The following SUMF1 variants were observed in gnomAD, a reference collection of about 807,000 sequenced individuals.
SUMF1 encodes formylglycine-generating enzyme.
A neutral mutation model predicts 47.6 loss-of-function variants in SUMF1; 48 were observed. The ratio of observed to expected loss-of-function variants is 1.01; its 90% confidence interval spans 0.80 to 1.28. The LOEUF (loss-of-function observed/expected upper bound fraction) is 1.28, where lower values mean the gene tolerates loss of function less well. Ranked by LOEUF, SUMF1 falls within the 50% of genes most tolerant of loss-of-function variation. The probability of loss-of-function intolerance (pLI) is 0.00; values close to 1 mark genes in which losing one functional copy is unlikely to be tolerated. For synonymous variants in SUMF1, 230 were observed against 192.1 expected (o/e 1.20, Z -1.63); for missense variants, 571 against 485.4 (o/e 1.18, Z -1.66).
intron 7 of SUMF1, among the ~76,000 whole-genome samples, chr3:4,405,911 T>G (rs1240950698): frequency 5.3e-5 from 8 of 152,174 alleles, no homozygotes; most frequent in Admixed American, 5.2e-4. Flanking sequence ...CCAGGAAGCA[T>G]AAGCAAAGTT....
intron 8 of SUMF1, among the ~76,000 whole-genome samples, chr3:4,277,736 T>C (rs1427609684): frequency 6.6e-6 from 1 of 152,160 alleles, no homozygotes; most frequent in African/African-American, 2.4e-5. Flanking sequence ...GATGGACAGA[T>C]TGCAACAGAC....
intron 8 of SUMF1, among the ~76,000 whole-genome samples, chr3:4,129,138 T>C (rs937136665): frequency 2.6e-5 from 4 of 152,170 alleles, no homozygotes; most frequent in East Asian, 1.9e-4. Context: ...ACTTGCATCT[T>C]TGAAGAGCCC....
intron 8 of SUMF1, among the ~76,000 whole-genome samples, chr3:4,331,957 T>G (rs894970676): frequency 4.6e-5 from 7 of 152,226 alleles, no homozygotes; most frequent in African/African-American, 1.7e-4. Context: ...ATCAATAGAC[T>G]CAGACAAAAT....
At chr3:4,326,850 T>C (rs1698956549) in intron 8 of SUMF1, among the ~76,000 whole-genome samples, 1 of 152,110 alleles carries the variant, frequency 6.6e-6, no homozygotes, top group Non-Finnish European at 1.5e-5. Context: ...CTCTCTAACA[T>C]CATCTCAATT....
intron 7 of SUMF1, among the ~76,000 whole-genome samples, chr3:4,395,289 T>C (rs1260877050): frequency 6.6e-6 from 1 of 152,178 alleles, no homozygotes; most frequent in Admixed American, 6.5e-5. Flanking sequence ...CCAAAGTACA[T>C]ATTTGTGAAA....
intron 8 of SUMF1, among the ~76,000 whole-genome samples, chr3:4,246,945 C>T (rs567433714): frequency 6.6e-6 from 1 of 152,214 alleles, no homozygotes; most frequent in African/African-American, 2.4e-5. Context: ...TATGTTTAGC[C>T]AGTTTTTTTC....
At chr3:4,064,374 G>A (rs1034793212) in intron 9 of SUMF1, among the ~76,000 whole-genome samples, 16 of 151,998 alleles carry the variant, frequency 1.1e-4, no homozygotes, top group South Asian at 2.1e-4. Context: ...GGAAACATCC[G>A]GAAGTTACCA....
At chr3:4,092,093 G>A (rs1692801599) in intron 8 of SUMF1, among the ~76,000 whole-genome samples, 1 of 151,978 alleles carries the variant, frequency 6.6e-6, no homozygotes, top group Non-Finnish European at 1.5e-5. Context: ...ATGTATTATT[G>A]TATAGGCCAA....
chr3:4,254,874 G>A (rs1353441690), intron 8 of SUMF1, among the ~76,000 whole-genome samples: 1 of 152,044 alleles, frequency 6.6e-6, no homozygotes, highest in African/African-American at 2.4e-5. Context: ...GAAAGGTCGG[G>A]TTACCCTCAA....
At chr3:4,148,598 G>A (rs370009466) in intron 8 of SUMF1, among the ~76,000 whole-genome samples, 1 of 152,272 alleles carries the variant, frequency 6.6e-6, no homozygotes, top group East Asian at 1.9e-4. Context: ...TTTAGCCTTT[G>A]CAAGCCATGC....
At chr3:4,181,192 G>A (rs1454958581) in intron 8 of SUMF1, among the ~76,000 whole-genome samples, 1 of 152,116 alleles carries the variant, frequency 6.6e-6, no homozygotes, top group South Asian at 2.1e-4. Context: ...TTGGTAAAGG[G>A]AACATTTTTT....
chr3:4,449,139 A>G (rs1362614107), intron 3 of SUMF1, 127 bp downstream of exon 3: 5 of 1,051,188 alleles, frequency 4.8e-6, no homozygotes, highest in African/African-American at 1.6e-5. Context: ...TTTGGGGTCA[A>G]TCCTCAGCAG....
At position 4,287,024 on chromosome 3, in the gene SUMF1, G is replaced by C. The variant is rs116653225; in HGVS notation, c.1014+89306C>G. Among the ~76,000 whole-genome samples, 422 of 152,238 alleles carry C rather than the reference G, an allele frequency of 2.8e-3. 4 individuals are homozygous for C. Among genetic ancestry groups the C allele is most frequent in the African/African-American group, 8.8e-3 (367 of 41,554 alleles). On this transcript the variant is annotated intron_variant and NMD_transcript_variant, in intron 8 of 12. Transcript: ENST00000448413. The stretch of plus-strand genomic sequence containing the variant: ...AAATTATTTTCATAATAATACTTAA[G>C]TGTCATTTGCCTTGTAACTGTCATT...
At chr3:4,264,473 G>A (rs189993329) in intron 8 of SUMF1, among the ~76,000 whole-genome samples, 1 of 152,260 alleles carries the variant, frequency 6.6e-6, no homozygotes, top group Admixed American at 6.5e-5. Flanking sequence ...ATGAGCCATG[G>A]GATGTTTCTG....
chr3:4,191,961 G>A (rs149098320), intron 8 of SUMF1, among the ~76,000 whole-genome samples: 5 of 152,240 alleles, frequency 3.3e-5, no homozygotes, highest in Non-Finnish European at 5.9e-5. Flanking sequence ...TATTTTAACT[G>A]ACATCAGAGA....
chr3:4,418,055 G>T lies in SUMF1; in HGVS notation c.680C>A (p.Thr227Lys). 1 of 1,614,026 alleles carries T rather than the reference G, an allele frequency of 6.2e-7. No homozygotes were observed. Among genetic ancestry groups the T allele is most frequent in the Admixed American group, 1.7e-5 (1 of 60,024 alleles). Reference protein sequence around the residue: ...YCTWAGKRLPTEAEWEYSCRG... With the variant: ...YCTWAGKRLPKEAEWEYSCRG... ...ACAGCTGTATTCCCACTCAGCTTCC[G>T]TGGGCAGCCGCTTCCCTGCCCAAGT... Residue 227 changes from threonine (T) to lysine (K), a missense_variant, in exon 5 of 9, where the codon ACG becomes AAG. Physicochemically the swap from Thr to Lys is moderately conservative, Grantham distance 78. Coordinates refer to ENST00000272902, the MANE Select transcript of SUMF1 (RefSeq NM_182760.4).
intron 9 of SUMF1, among the ~76,000 whole-genome samples, chr3:4,039,885 C>T (rs561249921): frequency 1.9e-4 from 29 of 151,982 alleles, no homozygotes; most frequent in African/African-American, 6.5e-4. Flanking sequence ...TCACTGGACA[C>T]GGTGGCATAT....
intron 8 of SUMF1, among the ~76,000 whole-genome samples, chr3:4,105,688 C>A (rs1430866350): frequency 1.3e-5 from 2 of 152,010 alleles, no homozygotes; most frequent in African/African-American, 2.4e-5. Context: ...GTTTGGGGAA[C>A]TAAAATTTTT....
chr3:4,272,970 G>A (rs940311989), intron 8 of SUMF1, among the ~76,000 whole-genome samples: 1 of 151,980 alleles, frequency 6.6e-6, no homozygotes, highest in Non-Finnish European at 1.5e-5. Flanking sequence ...GGCTACACAG[G>A]AGGCCAAGGC....
Sources: gnomAD v4.1 joint callset for allele counts (sites outside exome capture counted in the v4.1 genomes callset) on GRCh38, gnomAD v4.1.1 for gene constraint, MANE v1.5 for transcripts, NCBI Gene and HGNC (gene_info 2026-07-23, HGNC 2026-07-21) for gene names.